Variants in HEATR5A observed in about 807,000 individuals in gnomAD.
HEATR5A encodes the protein HEAT repeat containing 5A.
Under a neutral mutation model 218.8 loss-of-function variants are expected in HEATR5A, and 178 were observed. That is an observed-to-expected ratio of 0.81 (90% CI 0.72 to 0.92). The LOEUF (loss-of-function observed/expected upper bound fraction) is 0.92, where lower values mean the gene tolerates loss of function less well. Ranked by LOEUF, HEATR5A falls within the 40% of genes least tolerant of loss-of-function variation. The pLI is 0.00. For missense variants in HEATR5A, 2,420 were observed against 2,418.9 expected (o/e 1.00, Z -0.01); for synonymous variants, 864 against 871.6 (o/e 0.99, Z 0.15).
intron 14 of HEATR5A, 32 bp from the exon 15 acceptor site, chr14:31,359,089 CTAT>C (rs1156491645): frequency 3.2e-6 from 5 of 1,574,690 alleles, no homozygotes; most frequent in Non-Finnish European, 4.3e-6. Flanking sequence ...GCAATTAGTA[CTAT>C]TAATTATCTG....
intron 10 of HEATR5A, among the ~76,000 whole-genome samples, chr14:31,382,059 G>C (rs180811439): frequency 1.7e-4 from 26 of 152,282 alleles, no homozygotes; most frequent in Admixed American, 1.6e-3. Flanking sequence ...CTCAAAAAGA[G>C]TGAGGACAAA....
intron 1 of HEATR5A, among the ~76,000 whole-genome samples, chr14:31,417,178 A>G (rs898704508): frequency 1.3e-5 from 2 of 152,206 alleles, no homozygotes; most frequent in Non-Finnish European, 2.9e-5. Flanking sequence ...TTACTAAACG[A>G]AAAAAATTTC....
rs558891269 is a variant in HEATR5A at position 31,372,473 on chromosome 14, T to C, written c.1862-564A>G. 9.0e-4 allele frequency among the ~76,000 whole-genome samples: 137 copies of C among 152,276 alleles called. 2 individuals are homozygous for C. The highest frequency in any genetic ancestry group is 3.4e-3 in the Middle Eastern group (1 of 292). ...CTAGGATTATAGGATTGAGACATGG[T>C]GTCTGGAATAAATAACTTTCTATAA... On this transcript the variant is annotated intron_variant, in intron 12 of 35. Transcript: ENST00000543095.
intron 1 of HEATR5A, among the ~76,000 whole-genome samples, chr14:31,416,186 C>T (rs555181129): frequency 2.0e-5 from 3 of 152,112 alleles, no homozygotes; most frequent in East Asian, 1.9e-4. Context: ...GGTACGATCT[C>T]GGCTCACTGC....
At chr14:31,354,259 G>A (rs1901341234) in intron 16 of HEATR5A, among the ~76,000 whole-genome samples, 1 of 152,152 alleles carries the variant, frequency 6.6e-6, no homozygotes, top group Non-Finnish European at 1.5e-5. Flanking sequence ...TCCTACATCT[G>A]TTATCATGAA....
At chr14:31,394,807 C>CA (rs570054077) in intron 5 of HEATR5A, among the ~76,000 whole-genome samples, 15 of 151,420 alleles carry the variant, frequency 9.9e-5, no homozygotes, top group Non-Finnish European at 1.9e-4. Flanking sequence ...GACAGAGTCT[C>CA]AAAAAAAAGA....
chr14:31,330,138 T>C (rs1378562825), intron 22 of HEATR5A, among the ~76,000 whole-genome samples: 2 of 152,252 alleles, frequency 1.3e-5, no homozygotes, highest in East Asian at 1.9e-4. Flanking sequence ...GCTTCACCCC[T>C]GCAGCAGACT....
chr14:31,345,894 G>A (rs1384239034), intron 19 of HEATR5A, among the ~76,000 whole-genome samples: 3 of 144,040 alleles, frequency 2.1e-5, no homozygotes, highest in Non-Finnish European at 4.7e-5. Context: ...TATGGCAGGT[G>A]CGCACACACA....
chr14:31,322,479 T>C (rs1385071874), intron 24 of HEATR5A, among the ~76,000 whole-genome samples: 1 of 152,216 alleles, frequency 6.6e-6, no homozygotes, highest in Admixed American at 6.5e-5. Context: ...AACATTTTGC[T>C]TTGTAATTCT....
chr14:31,366,144 C>G (rs1271509713), intron 13 of HEATR5A, among the ~76,000 whole-genome samples: 1 of 152,104 alleles, frequency 6.6e-6, no homozygotes, highest in Non-Finnish European at 1.5e-5. Context: ...CATGGTGGCT[C>G]ACACCTGTAA....
intron 1 of HEATR5A, among the ~76,000 whole-genome samples, chr14:31,405,902 G>GA (rs1250911332): frequency 1.3e-5 from 2 of 152,196 alleles, no homozygotes; most frequent in African/African-American, 4.8e-5. Flanking sequence ...AAAAGCTTGA[G>GA]ATCATAAGCA....
chr14:31,345,191 A>G lies in HEATR5A; in HGVS notation c.2954T>C (p.Ile985Thr), dbSNP rs767194256. The G allele has an allele frequency of 1.2e-6, 2 of 1,613,804 alleles. No homozygotes were observed. The highest frequency in any genetic ancestry group is 1.7e-6 in the Non-Finnish European group (2 of 1,179,684). The change falls in exon 20 of 36, where the codon ATT (isoleucine) becomes ACT (threonine). Residue 985 changes from isoleucine (I) to threonine (T), a missense_variant. Ile to Thr is a moderately conservative substitution (Grantham distance 89, BLOSUM62 -1). Coordinates refer to ENST00000543095, the MANE Select transcript of HEATR5A (RefSeq NM_015473.4). ...YVHVEPTLSL[I>T]IMLLLNVPPT... ...AGGCACATTTAACAACAACATTATA[A>G]TAAGAGAAAGGGTAGGTTCCACATG...
intron 22 of HEATR5A, among the ~76,000 whole-genome samples, chr14:31,328,726 A>G (rs1900357734): frequency 6.6e-6 from 1 of 151,880 alleles, no homozygotes; most frequent in Non-Finnish European, 1.5e-5. Context: ...TAAAAATACA[A>G]AAAATTAGCC....
At chr14:31,396,386 G>A (rs949829634) in intron 4 of HEATR5A, among the ~76,000 whole-genome samples, 4 of 151,912 alleles carry the variant, frequency 2.6e-5, no homozygotes, top group Admixed American at 1.3e-4. Flanking sequence ...AGAGGGTGCA[G>A]TGAGTACAGA....
chr14:31,335,017 CT>C (rs1595109079), intron 22 of HEATR5A, among the ~76,000 whole-genome samples: 3 of 151,988 alleles, frequency 2.0e-5, no homozygotes, highest in African/African-American at 4.8e-5. Context: ...ACCACCACCC[CT>C]GATTAAGCAG....
chr14:31,316,895 C>T (rs764857532), intron 26 of HEATR5A, among the ~76,000 whole-genome samples: 3 of 152,136 alleles, frequency 2.0e-5, no homozygotes, highest in Non-Finnish European at 4.4e-5. Context: ...CCCGTGTTGC[C>T]CAGGCTGGTC....
intron 6 of HEATR5A, among the ~76,000 whole-genome samples, 170 bp from the exon 7 acceptor site, chr14:31,389,175 CAG>C (rs1303800423): frequency 2.0e-5 from 3 of 152,168 alleles, no homozygotes; most frequent in African/African-American, 4.8e-5. Flanking sequence ...CACAAGGGGT[CAG>C]AGGTCAAATC....
chr14:31,337,608 G>A lies in HEATR5A; in HGVS notation c.3235C>T (p.Leu1079Phe), dbSNP rs1213080709. The stretch of plus-strand genomic sequence containing the variant: ...CTCAGTAACAAGTAGGGGCTACAAA[G>A]ATTCACCTGAAAAATACCATTTGAG... ...SSLVSCLCVN[L>F]CSPYLLLRRA... The change falls in exon 22 of 36, where the codon CTT becomes TTT. Residue 1079 changes from leucine to phenylalanine, a missense_variant. By Grantham distance (22) the Leu-to-Phe change is conservative. Transcript: ENST00000543095. 6 of 1,600,034 alleles carry A rather than the reference G, an allele frequency of 3.7e-6. No homozygotes were observed. Among genetic ancestry groups the A allele is most frequent in the South Asian group, 3.4e-5 (3 of 88,114 alleles).
chr14:31,306,910 A>T, intron 30 of HEATR5A, 31 bp from the exon 31 acceptor site: 1 of 1,505,762 alleles, frequency 6.6e-7, no homozygotes. Flanking sequence ...AGGACACTGT[A>T]TTAGAAATTA....
Sources: gnomAD v4.1 joint callset for allele counts (sites outside exome capture counted in the v4.1 genomes callset) on GRCh38, gnomAD v4.1.1 for gene constraint, MANE v1.5 for transcripts, NCBI Gene and HGNC (gene_info 2026-07-23, HGNC 2026-07-21) for gene names.